CRIM1: variants seen among roughly 807,000 people sequenced by gnomAD.
The protein encoded by CRIM1 is cysteine rich transmembrane BMP regulator 1.
A neutral mutation model predicts 116.4 loss-of-function variants in CRIM1; 32 were observed. That is an observed-to-expected ratio of 0.27 (90% CI 0.21 to 0.37). The LOEUF (loss-of-function observed/expected upper bound fraction) is 0.37, where lower values mean the gene tolerates loss of function less well. CRIM1 is among the 10% of genes least tolerant of loss of function. The pLI, the probability that CRIM1 is intolerant of heterozygous loss-of-function variation, is 1.00. For missense variants in CRIM1, 1,331 were observed against 1,354.8 expected (o/e 0.98, Z 0.28); for synonymous variants, 590 against 509.2 (o/e 1.16, Z -2.13).
intron 2 of CRIM1, among the ~76,000 whole-genome samples, chr2:36,407,352 GAA>G (rs1164239133): frequency 1.3e-5 from 2 of 152,266 alleles, no homozygotes; most frequent in African/African-American, 4.8e-5. Flanking sequence ...CATTGGGAAA[GAA>G]AGTGTAGACA....
At chr2:36,514,116 A>T (rs1664880213) in intron 11 of CRIM1, among the ~76,000 whole-genome samples, 1 of 152,208 alleles carries the variant, frequency 6.6e-6, no homozygotes, top group Non-Finnish European at 1.5e-5. Context: ...TGTCCTCATT[A>T]ATATGAGGGG....
At chr2:36,385,254 AATT>A (rs1402879369) in intron 1 of CRIM1, among the ~76,000 whole-genome samples, 1 of 152,150 alleles carries the variant, frequency 6.6e-6, no homozygotes, top group African/African-American at 2.4e-5. Flanking sequence ...ACTTCAGATA[AATT>A]ATTAAGGTAA....
chr2:36,370,045 A>G (rs1367155244), intron 1 of CRIM1, among the ~76,000 whole-genome samples: 3 of 152,218 alleles, frequency 2.0e-5, no homozygotes, highest in Non-Finnish European at 4.4e-5. Flanking sequence ...CTTCTTAATA[A>G]AAGGTCGCAC....
intron 14 of CRIM1, among the ~76,000 whole-genome samples, chr2:36,541,246 T>C (rs1345203817): frequency 6.6e-6 from 1 of 152,142 alleles, no homozygotes; most frequent in Non-Finnish European, 1.5e-5. Flanking sequence ...TTATACCATC[T>C]CAGAAATGAT....
At chr2:36,540,535 G>A (rs540976392) in intron 14 of CRIM1, among the ~76,000 whole-genome samples, 6 of 151,786 alleles carry the variant, frequency 4.0e-5, no homozygotes, top group African/African-American at 7.2e-5. Flanking sequence ...TAAGGTCAAG[G>A]CCAGTGCCTC....
chr2:36,462,450 A>C (rs894142544), intron 4 of CRIM1, among the ~76,000 whole-genome samples: 1 of 152,258 alleles, frequency 6.6e-6, no homozygotes, highest in African/African-American at 2.4e-5. Flanking sequence ...CATGGTGTTC[A>C]GTGTGGTGTG....
intron 7 of CRIM1, among the ~76,000 whole-genome samples, chr2:36,485,073 T>C (rs1403857): frequency 0.25 from 37,467 of 152,124 alleles, 4,831 homozygotes; most frequent in South Asian, 0.4. Context: ...TGCAGACATA[T>C]TATCAGATAC....
chr2:36,381,916 A>C (rs76753488), intron 1 of CRIM1, among the ~76,000 whole-genome samples: 4,878 of 152,308 alleles, frequency 0.032, 117 homozygotes, highest in Non-Finnish European at 0.046. Context: ...GTGGGTGCAC[A>C]TGCAAGTGTG....
rs191690093 is a variant in CRIM1 at position 36,445,483 on chromosome 2, T to G, written c.869+2748T>G. 3.7e-3 allele frequency among the ~76,000 whole-genome samples: 560 copies of G among 152,358 alleles called. 6 individuals carry two copies. In the Middle Eastern group the frequency reaches 0.068, roughly 19 times the overall value. On this transcript the variant is annotated intron_variant, in intron 4 of 16. Coordinates refer to ENST00000280527, the MANE Select transcript of CRIM1 (RefSeq NM_016441.3). The stretch of plus-strand genomic sequence containing the variant: ...GCCTAGAAACTTCCCACATAATCCT[T>G]TCCTATGCTGTCAGTTAATTATCGA...
chr2:36,391,006 C>T (rs536256386), intron 1 of CRIM1, among the ~76,000 whole-genome samples: 10 of 151,026 alleles, frequency 6.6e-5, no homozygotes, highest in African/African-American at 2.4e-4. Context: ...GACAGGGTTT[C>T]GTCATGTTGC....
chr2:36,431,761 A>G (rs1479878618), intron 2 of CRIM1, among the ~76,000 whole-genome samples: 1 of 152,188 alleles, frequency 6.6e-6, no homozygotes, highest in African/African-American at 2.4e-5. Flanking sequence ...CTCTCAGAAC[A>G]TCTGGTTGGA....
intron 1 of CRIM1, among the ~76,000 whole-genome samples, chr2:36,373,524 C>G (rs1003324518): frequency 2.7e-4 from 41 of 152,078 alleles, no homozygotes; most frequent in Admixed American, 2.0e-3. Context: ...CAGCTGTACC[C>G]AAAGATGGCA....
intron 13 of CRIM1, among the ~76,000 whole-genome samples, chr2:36,536,607 G>A (rs917557949): frequency 2.6e-5 from 4 of 152,124 alleles, no homozygotes; most frequent in Non-Finnish European, 5.9e-5. Context: ...GGCCACTAGG[G>A]AGTCAGTAAG....
intron 4 of CRIM1, among the ~76,000 whole-genome samples, chr2:36,449,384 CCT>C (rs1205449297): frequency 6.6e-6 from 1 of 152,194 alleles, no homozygotes; most frequent in Non-Finnish European, 1.5e-5. Flanking sequence ...TCCAGTCCTG[CCT>C]CTCAGGAGCC....
chr2:36,540,398 G>A (rs939597859), intron 14 of CRIM1, among the ~76,000 whole-genome samples: 2 of 152,118 alleles, frequency 1.3e-5, no homozygotes, highest in Non-Finnish European at 2.9e-5. Context: ...GAAGTTGAGG[G>A]TCCTTGGAGG....
chr2:36,407,376 T>G (rs1164368090), intron 2 of CRIM1, among the ~76,000 whole-genome samples: 3 of 152,200 alleles, frequency 2.0e-5, no homozygotes, highest in African/African-American at 7.2e-5. Context: ...AGTTACATAT[T>G]TTTGTAAGTA....
In CRIM1 at chr2:36,493,996, T is replaced by C. The variant is rs376110480; in HGVS notation, c.1373-5223T>C. Among the ~76,000 whole-genome samples the C allele has an allele frequency of 2.2e-4, 34 of 152,330 alleles. No individual in the cohort carries two copies. In the East Asian group the frequency reaches 5.8e-3, roughly 26 times the overall value. ...CATCTTAAAAGGCTGAATTTGAGTT[T>C]CAGCTTCTTACTTCCTTGGCCAGTT... On this transcript the variant is annotated intron_variant, in intron 7 of 16. Transcript: ENST00000280527.
intron 11 of CRIM1, among the ~76,000 whole-genome samples, chr2:36,515,701 C>A (rs1206009327): frequency 6.6e-6 from 1 of 152,246 alleles, no homozygotes; most frequent in Non-Finnish European, 1.5e-5. Flanking sequence ...TCTGGCCCCT[C>A]TTGTGTTTTG....
At chr2:36,462,723 T>C (rs1401364347) in intron 4 of CRIM1, among the ~76,000 whole-genome samples, 2 of 152,178 alleles carry the variant, frequency 1.3e-5, no homozygotes, top group Non-Finnish European at 2.9e-5. Context: ...GGGTGTGGCC[T>C]GTCAGTATTC....
Sources: gnomAD v4.1 joint callset for allele counts (sites outside exome capture counted in the v4.1 genomes callset) on GRCh38, gnomAD v4.1.1 for gene constraint, MANE v1.5 for transcripts, NCBI Gene and HGNC (gene_info 2026-07-23, HGNC 2026-07-21) for gene names.